Variants in RBFOX2 observed in about 807,000 individuals in gnomAD.
RBFOX2 encodes the protein RNA binding protein fox-1 homolog 2.
In RBFOX2, 10 loss-of-function variants were observed where a neutral mutation model predicts 49.1. The observed-to-expected ratio is 0.20, with a 90% confidence interval of 0.13 to 0.35. RBFOX2 has a LOEUF of 0.35. Ranked by LOEUF, RBFOX2 falls within the 10% of genes least tolerant of loss-of-function variation. The pLI, the probability that RBFOX2 is intolerant of heterozygous loss-of-function variation, is 1.00. For synonymous variants in RBFOX2, 183 were observed against 187.4 expected, an observed-to-expected ratio of 0.98 and a Z score of 0.19; for missense variants, 323 against 486.9, an observed-to-expected ratio of 0.66 and a Z score of 3.17.
chr22:35,815,640 C>T (rs1045633662), intron 1 of RBFOX2, among the ~76,000 whole-genome samples: 1 of 152,130 alleles, frequency 6.6e-6, no homozygotes, highest in African/African-American at 2.4e-5. Flanking sequence ...ATCATGCACA[C>T]AAACAGATCA....
intron 1 of RBFOX2, among the ~76,000 whole-genome samples, chr22:35,959,599 G>A (rs1224529651): frequency 6.6e-6 from 1 of 152,230 alleles, no homozygotes; most frequent in African/African-American, 2.4e-5. Flanking sequence ...TAGGTCTACA[G>A]TGGCGTCTGA....
chr22:36,013,861 G>A (rs1421254716), intron 1 of RBFOX2, among the ~76,000 whole-genome samples: 1 of 152,054 alleles, frequency 6.6e-6, no homozygotes, highest in Non-Finnish European at 1.5e-5. Context: ...GGGACACATA[G>A]GAAGCAGAAA....
intron 1 of RBFOX2, among the ~76,000 whole-genome samples, chr22:35,839,847 C>G (rs1173047484): frequency 6.6e-6 from 1 of 152,172 alleles, no homozygotes; most frequent in Non-Finnish European, 1.5e-5. Context: ...TGGCAGTCTA[C>G]AAGAATCTCT....
intron 1 of RBFOX2, among the ~76,000 whole-genome samples, chr22:35,882,345 T>C (rs2046012197): frequency 6.6e-6 from 1 of 152,226 alleles, no homozygotes. Context: ...TGCAAGTTAC[T>C]GGCAACTTGG....
At chr22:35,835,894 G>A (rs1206072103) in intron 1 of RBFOX2, among the ~76,000 whole-genome samples, 1 of 152,010 alleles carries the variant, frequency 6.6e-6, no homozygotes, top group Admixed American at 6.6e-5. Flanking sequence ...CTGAAGATAT[G>A]GAGCAATGTA....
intron 9 of RBFOX2, among the ~76,000 whole-genome samples, chr22:35,751,886 C>T (rs1254469960): frequency 6.6e-6 from 1 of 152,172 alleles, no homozygotes; most frequent in Admixed American, 6.5e-5. Context: ...CATTATTATT[C>T]CACATCTCCC....
intron 1 of RBFOX2, among the ~76,000 whole-genome samples, chr22:36,025,983 G>C (rs1337927422): frequency 6.6e-6 from 1 of 152,160 alleles, no homozygotes; most frequent in East Asian, 1.9e-4. Flanking sequence ...ATGTATAGAA[G>C]GCCGGGTGTG....
At chr22:35,813,316 A>G (rs1031156143) in intron 1 of RBFOX2, among the ~76,000 whole-genome samples, 2 of 152,240 alleles carry the variant, frequency 1.3e-5, no homozygotes, top group Non-Finnish European at 2.9e-5. Flanking sequence ...TCAGAAGAGA[A>G]GTACAACAGC....
intron 4 of RBFOX2, 47 bp from the exon 6 acceptor site, chr22:35,768,396 G>C: frequency 6.8e-7 from 1 of 1,474,074 alleles, no homozygotes; most frequent in Non-Finnish European, 9.5e-7. Flanking sequence ...TCGTTATATT[G>C]AAATACTGAT....
At position 35,849,298 on chromosome 22, in the gene RBFOX2, A is replaced by AC. The variant is rs2041611904; in HGVS notation, c.-33-39295_-33-39294insG. ...ACACACACACACACATACACACACA[A>AC]ACACACACACACACACACACACACA... is the stretch of plus-strand genomic sequence containing the variant. On this transcript the variant is annotated intron_variant, in intron 1 of 13. Coordinates refer to the RBFOX2 transcript ENST00000359369. Among the ~76,000 whole-genome samples the AC allele has an allele frequency of 3.1e-4, 41 of 133,346 alleles. 1 individual carries two copies. The highest frequency in any genetic ancestry group is 1.1e-3 in the African/African-American group (37 of 35,138). 87.5% of individuals were successfully genotyped at this position (133,346 alleles called of 152,430 possible).
At chr22:35,903,823 C>G (rs2048840926) in intron 1 of RBFOX2, among the ~76,000 whole-genome samples, 1 of 152,174 alleles carries the variant, frequency 6.6e-6, no homozygotes, top group African/African-American at 2.4e-5. Context: ...GAATATCACA[C>G]TAGTTTCCCC....
intron 3 of RBFOX2, among the ~76,000 whole-genome samples, chr22:35,780,531 G>A (rs549518561): frequency 3.9e-5 from 6 of 152,202 alleles, no homozygotes; most frequent in African/African-American, 1.2e-4. Context: ...TTTCATGATG[G>A]TGATTCAGGA....
intron 2 of RBFOX2, among the ~76,000 whole-genome samples, chr22:35,799,182 A>C (rs190888298): frequency 3.3e-4 from 50 of 152,368 alleles, no homozygotes; most frequent in African/African-American, 1.1e-3. Flanking sequence ...AAATATAAAC[A>C]TCATATCTGA....
At chr22:35,917,097 G>A (rs1415746948) in intron 1 of RBFOX2, among the ~76,000 whole-genome samples, 5 of 152,186 alleles carry the variant, frequency 3.3e-5, no homozygotes, top group Non-Finnish European at 5.9e-5. Context: ...TAAACAGCAT[G>A]AGAATGCCAA....
intron 1 of RBFOX2, among the ~76,000 whole-genome samples, chr22:35,907,247 C>T (rs1174749504): frequency 6.6e-6 from 1 of 152,224 alleles, no homozygotes; most frequent in Non-Finnish European, 1.5e-5. Context: ...CATCTTCCAT[C>T]CTCCACTACA....
intron 1 of RBFOX2, among the ~76,000 whole-genome samples, chr22:36,002,797 TG>T (rs950324490): frequency 2.0e-5 from 3 of 152,236 alleles, no homozygotes; most frequent in African/African-American, 7.2e-5. Flanking sequence ...CTAATTTTTT[TG>T]TATGTTTGTA....
intron 1 of RBFOX2, among the ~76,000 whole-genome samples, chr22:35,885,638 A>G (rs1332689213): frequency 6.6e-6 from 1 of 152,084 alleles, no homozygotes; most frequent in East Asian, 1.9e-4. Context: ...AGGAAAAATA[A>G]TTTGACAGTT....
intron 2 of RBFOX2, among the ~76,000 whole-genome samples, chr22:35,805,168 T>C (rs1950492578): frequency 6.6e-6 from 1 of 151,412 alleles, no homozygotes; most frequent in Admixed American, 6.6e-5. Context: ...CGGGCACCTG[T>C]AGTCCCAGCT....
intron 1 of RBFOX2, chr22:35,961,513 TG>T: frequency 2.3e-6 from 3 of 1,301,622 alleles, no homozygotes; most frequent in Non-Finnish European, 3.0e-6. Flanking sequence ...ACAATTCCCC[TG>T]CACAAACTCC....
Sources: gnomAD v4.1 joint callset for allele counts (sites outside exome capture counted in the v4.1 genomes callset) on GRCh38, gnomAD v4.1.1 for gene constraint, MANE v1.5 for transcripts, NCBI Gene and HGNC (gene_info 2026-07-23, HGNC 2026-07-21) for gene names.